MRPL1: variants seen among roughly 807,000 people sequenced by gnomAD.
MRPL1 encodes the protein large ribosomal subunit protein uL1m.
In MRPL1, 28 loss-of-function variants were observed where a neutral mutation model predicts 38.0. That is an observed-to-expected ratio of 0.74 (90% CI 0.55 to 1.01). The LOEUF (loss-of-function observed/expected upper bound fraction) is 1.01. Among genes scored for constraint, MRPL1 ranks in the 50% least tolerant of loss-of-function variants. The probability of loss-of-function intolerance (pLI) is 0.00; values close to 1 mark genes in which losing one functional copy is unlikely to be tolerated. For synonymous variants in MRPL1, 123 were observed against 126.7 expected (o/e 0.97, Z 0.20); for missense variants, 358 against 389.8 (o/e 0.92, Z 0.69).
rs146085944 is a variant in MRPL1, at chr4:77,883,356, C to A, written c.258C>A (p.Val86=). The A allele has an allele frequency of 1.6e-5, 26 of 1,613,578 alleles. No individual in the cohort carries two copies. Among genetic ancestry groups the A allele is most frequent in the Non-Finnish European group, 1.5e-5 (18 of 1,179,888 alleles). ...TGGAAGGCGAACCTGAGGATGATGT[C>A]TATTTAAAACGCTTATACCCGAGAC... ...PYMEGEPEDD[V]YLKRLYPRQI... is the part of the protein sequence containing the mutation. Residue 86 remains valine (V), a synonymous_variant, in exon 3 of 9, where the codon GTC becomes GTA. Transcript: ENST00000315567.
At chr4:77,877,928 C>T (rs1236625334) in intron 2 of MRPL1, among the ~76,000 whole-genome samples, 3 of 152,008 alleles carry the variant, frequency 2.0e-5, no homozygotes, top group Admixed American at 2.0e-4. Flanking sequence ...CGGCGCGCTT[C>T]TAATCTTCTG....
At chr4:77,914,779 T>C (rs561725455) in intron 7 of MRPL1, among the ~76,000 whole-genome samples, 7 of 152,146 alleles carry the variant, frequency 4.6e-5, no homozygotes, top group Admixed American at 1.3e-4. Flanking sequence ...GTGCAGCAGA[T>C]AAAAGGGCAC....
chr4:77,893,669 A>G (rs145945897), intron 5 of MRPL1, among the ~76,000 whole-genome samples: 129 of 152,296 alleles, frequency 8.5e-4, no homozygotes, highest in African/African-American at 2.8e-3. Context: ...TCTTTGTGAA[A>G]GTAATTATAA....
At chr4:77,951,957 T>A (rs1341711619) in intron 8 of MRPL1, among the ~76,000 whole-genome samples, 1 of 152,210 alleles carries the variant, frequency 6.6e-6, no homozygotes, top group Non-Finnish European at 1.5e-5. Context: ...GAATACAAAC[T>A]ATTGTAAAAT....
intron 7 of MRPL1, among the ~76,000 whole-genome samples, chr4:77,925,927 A>G (rs1446028604): frequency 1.3e-5 from 2 of 152,154 alleles, no homozygotes; most frequent in East Asian, 3.8e-4. Flanking sequence ...TCATTCTGGC[A>G]TATATGGACA....
In MRPL1 at chr4:77,952,737, C is replaced by A. The variant is rs769868659; in HGVS notation, c.*130C>A. ...AAAGTGAACTTTAACATTGAAAAAT[C>A]GTACAGTCATTTCAAGAATAAGAAA... On this transcript the variant is annotated 3_prime_UTR_variant, in exon 9 of 9. Coordinates refer to ENST00000315567, the MANE Select transcript of MRPL1 (RefSeq NM_020236.4). 1.2e-4 allele frequency: 77 copies of A among 617,626 alleles called. No individual in the cohort carries two copies. Among genetic ancestry groups the A allele is most frequent in the South Asian group, 6.4e-4 (29 of 45,520 alleles). 38.3% of individuals were successfully genotyped at this position (617,626 alleles called of 1,614,324 possible). A position where few individuals can be genotyped will look rare whatever the true frequency, so the allele number is the denominator to read the frequency against.
chr4:77,933,448 G>T (rs1296214001), intron 7 of MRPL1, among the ~76,000 whole-genome samples: 1 of 152,166 alleles, frequency 6.6e-6, no homozygotes, highest in East Asian at 1.9e-4. Flanking sequence ...GAACCCAGAA[G>T]TACGGGGGAG....
intron 7 of MRPL1, among the ~76,000 whole-genome samples, chr4:77,918,671 G>C (rs1405991022): frequency 1.3e-5 from 2 of 152,068 alleles, no homozygotes; most frequent in East Asian, 3.9e-4. Context: ...TAAAAGAAGA[G>C]GGGAGAGATT....
chr4:77,926,961 C>G (rs1736727456), intron 7 of MRPL1, among the ~76,000 whole-genome samples: 1 of 152,000 alleles, frequency 6.6e-6, no homozygotes, highest in Non-Finnish European at 1.5e-5. Flanking sequence ...CTTCCTCTCT[C>G]CCATGTTCTC....
intron 2 of MRPL1, among the ~76,000 whole-genome samples, chr4:77,874,108 C>T (rs996499447): frequency 5.9e-5 from 9 of 151,600 alleles, no homozygotes; most frequent in Non-Finnish European, 1.2e-4. Flanking sequence ...AAATGATTCT[C>T]CTGCCTCAGC....
At chr4:77,885,196 G>T (rs1417992207) in intron 3 of MRPL1, 60 bp from the exon 4 acceptor site, 22 of 1,208,866 alleles carry the variant, frequency 1.8e-5, no homozygotes, top group African/African-American at 3.0e-5. Context: ...GTTTTATATA[G>T]AGTGTGTGAA....
chr4:77,946,876 T>C (rs1737282465), intron 7 of MRPL1, among the ~76,000 whole-genome samples: 2 of 152,192 alleles, frequency 1.3e-5, no homozygotes, highest in Admixed American at 6.5e-5. Flanking sequence ...CCTGGTATTG[T>C]AGACTAAGTT....
rs750220591 is a variant in MRPL1, at chr4:77,887,210, G to A, written c.487-10G>A. 1 of 1,606,778 alleles carries A rather than the reference G, an allele frequency of 6.2e-7. No homozygotes were observed. The highest frequency in any genetic ancestry group is 1.1e-5 in the South Asian group (1 of 90,942). On this transcript the variant is annotated splice_polypyrimidine_tract_variant and intron_variant, in intron 4 of 8. Coordinates refer to ENST00000315567, the MANE Select transcript of MRPL1 (RefSeq NM_020236.4). ...TAATGATTGATTTTCAAATTATTGT[G>A]TTTTGGTAGAATGCATCAGAGGTCA...
chr4:77,932,953 A>G (rs894977473), intron 7 of MRPL1, among the ~76,000 whole-genome samples: 10 of 151,936 alleles, frequency 6.6e-5, no homozygotes, highest in Admixed American at 5.9e-4. Context: ...AAAAAGAAAA[A>G]AAAAAGGAAT....
chr4:77,926,015 T>G (rs1736704922), intron 7 of MRPL1, among the ~76,000 whole-genome samples: 1 of 152,148 alleles, frequency 6.6e-6, no homozygotes, highest in Admixed American at 6.5e-5. Flanking sequence ...TATTAGAAAA[T>G]TCCAACTCTT....
intron 7 of MRPL1, among the ~76,000 whole-genome samples, chr4:77,948,147 G>C (rs1318273820): frequency 6.6e-6 from 1 of 152,124 alleles, no homozygotes; most frequent in Non-Finnish European, 1.5e-5. Context: ...TAAAAAGATA[G>C]GTTGGAAACC....
intron 2 of MRPL1, among the ~76,000 whole-genome samples, chr4:77,878,779 T>G (rs972625793): frequency 1.3e-5 from 2 of 152,098 alleles, no homozygotes; most frequent in Non-Finnish European, 2.9e-5. Context: ...CTCGGGAGGC[T>G]GAGGCAGGAG....
chr4:77,949,512 C>T (rs1201747649), intron 7 of MRPL1, among the ~76,000 whole-genome samples: 1 of 151,902 alleles, frequency 6.6e-6, no homozygotes, highest in Non-Finnish European at 1.5e-5. Flanking sequence ...ATGTATTCTG[C>T]TCCAAGATAT....
At chr4:77,941,167 A>G (rs1175643775) in intron 7 of MRPL1, among the ~76,000 whole-genome samples, 1 of 151,968 alleles carries the variant, frequency 6.6e-6, no homozygotes, top group Non-Finnish European at 1.5e-5. Flanking sequence ...TGGGAGGTTG[A>G]GGCAGGAGAA....
Sources: allele counts gnomAD v4.1 joint callset (sites outside exome capture counted in the v4.1 genomes callset), GRCh38; gene constraint gnomAD v4.1.1; transcripts MANE v1.5; gene names NCBI Gene and HGNC (gene_info 2026-07-23, HGNC 2026-07-21).